Variants in PKN2 observed in about 807,000 individuals in gnomAD.
PKN2 encodes the protein protein kinase N2.
A neutral mutation model predicts 119.1 loss-of-function variants in PKN2; 38 were observed. The observed-to-expected ratio is 0.32, with a 90% CI of 0.25 to 0.42. PKN2 has a LOEUF of 0.42. PKN2 is among the 10% of genes least tolerant of loss of function. PKN2 has a pLI of 1.00. For missense variants in PKN2, 850 were observed against 1,165.1 expected (o/e 0.73, Z 3.94); for synonymous variants, 390 against 384.9 (o/e 1.01, Z -0.15).
intron 16 of PKN2, among the ~76,000 whole-genome samples, chr1:88,818,635 G>A (rs1323205922): frequency 1.4e-5 from 2 of 145,140 alleles, no homozygotes; most frequent in African/African-American, 5.2e-5. Flanking sequence ...GCAACAGAGT[G>A]AGACTCCTTC....
chr1:88,753,398 A>G (rs1167492905), intron 2 of PKN2, among the ~76,000 whole-genome samples: 2 of 152,054 alleles, frequency 1.3e-5, no homozygotes, highest in Admixed American at 1.3e-4. Context: ...AAACTCTTTC[A>G]TCTTTGTCTG....
intron 12 of PKN2, 173 bp downstream of exon 12, chr1:88,806,190 T>C: frequency 1.6e-6 from 1 of 614,772 alleles, no homozygotes; most frequent in East Asian, 3.0e-5. Flanking sequence ...GTTTCACTCT[T>C]GTTACCCAGG....
intron 1 of PKN2, among the ~76,000 whole-genome samples, chr1:88,703,153 C>T (rs995138595): frequency 2.0e-5 from 3 of 151,940 alleles, no homozygotes; most frequent in East Asian, 3.8e-4. Context: ...ACTTAATGTG[C>T]GCTAAATAAA....
chr1:88,746,078 A>G (rs1668757967), intron 2 of PKN2, among the ~76,000 whole-genome samples: 1 of 152,128 alleles, frequency 6.6e-6, no homozygotes, highest in Non-Finnish European at 1.5e-5. Context: ...ATACCTTTAT[A>G]CCTTATACCT....
rs1672924820 is a variant in PKN2, at chr1:88,835,840, TC to T, written c.*2394del. Reference sequence around the variant, plus strand: ...TAAGTATTCTTTCCTTTTAGAAACTTCCTAATGATTAAAATATACTTTAACT... The same window carrying T: ...TAAGTATTCTTTCCTTTTAGAAACTTCTAATGATTAAAATATACTTTAACT... On this transcript the variant is annotated 3_prime_UTR_variant, in exon 22 of 22. Transcript: ENST00000370521. 6.6e-6 allele frequency: 1 copy of T among 152,310 alleles called. No homozygotes were observed. Among genetic ancestry groups the T allele is most frequent in the African/African-American group, 2.4e-5 (1 of 41,396 alleles). The allele number at this position is 152,310 out of a possible 1,614,324, so 9.4% of individuals were successfully genotyped here.
At chr1:88,712,369 C>A (rs566117847) in intron 1 of PKN2, among the ~76,000 whole-genome samples, 31 of 152,070 alleles carry the variant, frequency 2.0e-4, no homozygotes, top group African/African-American at 5.5e-4. Flanking sequence ...TATCAAAATA[C>A]CTATATGCCA....
At chr1:88,771,983 A>G in intron 6 of PKN2, 104 bp downstream of exon 6, 1 of 714,072 alleles carries the variant, frequency 1.4e-6, no homozygotes, top group Non-Finnish European at 2.4e-6. Context: ...TAAAATTATG[A>G]TAAGATACAC....
At chr1:88,712,505 AT>A (rs1667274346) in intron 1 of PKN2, among the ~76,000 whole-genome samples, 1 of 152,064 alleles carries the variant, frequency 6.6e-6, no homozygotes, top group Non-Finnish European at 1.5e-5. Context: ...TTCAATTATG[AT>A]TTTGCATACT....
Position 88,834,631 on chromosome 1 carries a change from AAC to A in PKN2, c.*1185_*1186del, listed in dbSNP as rs1167342014. ...CAGAATGTATAAATATTTTTGATAA[AAC>A]AGTCTATATTTTATTAAAAAATGAA... On this transcript the variant is annotated 3_prime_UTR_variant, in exon 22 of 22. Coordinates refer to ENST00000370521, the MANE Select transcript of PKN2 (RefSeq NM_006256.4). The A allele has an allele frequency of 6.6e-6, 1 of 152,464 alleles. No individual in the cohort carries two copies. The highest frequency in any genetic ancestry group is 1.5e-5 in the Non-Finnish European group (1 of 67,960). 9.4% of individuals were successfully genotyped at this position (152,464 alleles called of 1,614,324 possible).
intron 1 of PKN2, among the ~76,000 whole-genome samples, chr1:88,708,437 T>G (rs547982900): frequency 5.9e-5 from 9 of 152,230 alleles, no homozygotes; most frequent in African/African-American, 1.7e-4. Context: ...AAAAAATGTT[T>G]CTTTGTTTTG....
chr1:88,810,798 G>A (rs566410686), intron 15 of PKN2, among the ~76,000 whole-genome samples: 2 of 151,708 alleles, frequency 1.3e-5, no homozygotes, highest in African/African-American at 4.8e-5. Context: ...GTACAGACAG[G>A]GTTTCACCAT....
Position 88,746,399 on chromosome 1 carries a change from A to G in PKN2, c.349+5111A>G, listed in dbSNP as rs146844143. Among the ~76,000 whole-genome samples the G allele has an allele frequency of 3.9e-4, 60 of 152,260 alleles. 1 individual carries two copies. In the South Asian group the frequency reaches 7.3e-3, roughly 18 times the overall value. On this transcript the variant is annotated intron_variant, in intron 2 of 21. Transcript: ENST00000370521. ...AAGGGGTCAGTAAGGAACTCAAACT[A>G]CTGAATTCAAGGAAAAGAAATAATC... is the stretch of plus-strand genomic sequence containing the variant.
At chr1:88,779,165 C>T (rs1453769164) in intron 6 of PKN2, among the ~76,000 whole-genome samples, 1 of 152,066 alleles carries the variant, frequency 6.6e-6, no homozygotes, top group Non-Finnish European at 1.5e-5. Context: ...CTGCCATCTT[C>T]AATACTGCCC....
At chr1:88,815,502 TATTTC>T in intron 16 of PKN2, 1 of 286,914 alleles carries the variant, frequency 3.5e-6, no homozygotes, top group Non-Finnish European at 6.6e-6. Flanking sequence ...TTGTCTATCT[TATTTC>T]ACTTAAAAGA....
intron 19 of PKN2, among the ~76,000 whole-genome samples, chr1:88,830,906 T>C (rs952656215): frequency 1.3e-5 from 2 of 152,146 alleles, no homozygotes; most frequent in African/African-American, 2.4e-5. Flanking sequence ...TAACTCCTTT[T>C]TAACTATGAT....
At chr1:88,811,359 A>G (rs1209357938) in intron 15 of PKN2, among the ~76,000 whole-genome samples, 3 of 152,214 alleles carry the variant, frequency 2.0e-5, no homozygotes, top group Admixed American at 1.3e-4. Context: ...AACTATTTAT[A>G]TAAGTTTTCA....
At chr1:88,710,054 A>G (rs1667164791) in intron 1 of PKN2, among the ~76,000 whole-genome samples, 1 of 152,224 alleles carries the variant, frequency 6.6e-6, no homozygotes, top group Non-Finnish European at 1.5e-5. Flanking sequence ...GTTTTGAGTC[A>G]TGCTGAATTT....
intron 2 of PKN2, among the ~76,000 whole-genome samples, chr1:88,747,924 G>T (rs894003379): frequency 2.6e-5 from 4 of 151,986 alleles, no homozygotes; most frequent in African/African-American, 9.7e-5. Flanking sequence ...TTGTGGTCTT[G>T]GATGAATAGA....
At chr1:88,811,414 C>T (rs1008659468) in intron 15 of PKN2, among the ~76,000 whole-genome samples, 1 of 152,076 alleles carries the variant, frequency 6.6e-6, no homozygotes, top group Non-Finnish European at 1.5e-5. Flanking sequence ...GAAGGAAGTA[C>T]ACGAAACATG....
Sources: gnomAD v4.1 joint callset for allele counts (sites outside exome capture counted in the v4.1 genomes callset) on GRCh38, gnomAD v4.1.1 for gene constraint, MANE v1.5 for transcripts, NCBI Gene and HGNC (gene_info 2026-07-23, HGNC 2026-07-21) for gene names.